Variants in MAGI1 observed in about 807,000 individuals in gnomAD.
The protein encoded by MAGI1 is membrane-associated guanylate kinase, WW and PDZ domain-containing protein 1.
A neutral mutation model predicts 139.9 loss-of-function variants in MAGI1; 58 were observed. The observed-to-expected ratio is 0.41, with a 90% confidence interval of 0.34 to 0.52. The LOEUF (loss-of-function observed/expected upper bound fraction) is 0.52, where lower values mean the gene tolerates loss of function less well. Ranked by LOEUF, MAGI1 falls within the 20% of genes least tolerant of loss-of-function variation. MAGI1 has a pLI of 0.12. For missense variants in MAGI1, 1,874 were observed against 1,901.6 expected (o/e 0.99, Z 0.27); for synonymous variants, 812 against 737.9 (o/e 1.10, Z -1.63).
intron 1 of MAGI1, among the ~76,000 whole-genome samples, chr3:65,779,233 T>C (rs2038731350): frequency 6.6e-6 from 1 of 152,210 alleles, no homozygotes; most frequent in Admixed American, 6.5e-5. Flanking sequence ...CAGTATGACC[T>C]CTTCCATCAC....
intron 2 of MAGI1, among the ~76,000 whole-genome samples, chr3:65,563,718 T>C (rs950494269): frequency 6.6e-5 from 10 of 152,162 alleles, no homozygotes; most frequent in African/African-American, 2.2e-4. Flanking sequence ...GTAAGGTTAC[T>C]CTGCTCTCTA....
At chr3:65,748,398 C>G (rs922291174) in intron 1 of MAGI1, among the ~76,000 whole-genome samples, 13 of 152,062 alleles carry the variant, frequency 8.5e-5, no homozygotes, top group African/African-American at 2.4e-4. Context: ...TAATGCAAAG[C>G]CCAGGGTAGG....
intron 1 of MAGI1, among the ~76,000 whole-genome samples, chr3:65,625,291 G>A (rs993498053): frequency 3.3e-5 from 5 of 152,104 alleles, no homozygotes; most frequent in African/African-American, 4.8e-5. Flanking sequence ...CAATAAAATC[G>A]ATTTCAAAAG....
intron 2 of MAGI1, among the ~76,000 whole-genome samples, chr3:65,508,642 T>C (rs1488740817): frequency 1.3e-5 from 2 of 152,164 alleles, no homozygotes; most frequent in Non-Finnish European, 2.9e-5. Context: ...ATTATGCCTT[T>C]GTCATCTATT....
At chr3:65,369,016 T>C (rs776078831) in intron 18 of MAGI1, among the ~76,000 whole-genome samples, 5 of 152,212 alleles carry the variant, frequency 3.3e-5, no homozygotes, top group Non-Finnish European at 7.3e-5. Flanking sequence ...ACTTCTTAGA[T>C]TTCAAGTTCA....
intron 2 of MAGI1, among the ~76,000 whole-genome samples, chr3:65,557,264 T>C (rs1308274939): frequency 6.6e-6 from 1 of 152,220 alleles, no homozygotes; most frequent in Non-Finnish European, 1.5e-5. Context: ...CTGTGCATTC[T>C]CTCTGTCTTC....
At chr3:65,822,080 G>A (rs1422719568) in intron 1 of MAGI1, among the ~76,000 whole-genome samples, 1 of 152,086 alleles carries the variant, frequency 6.6e-6, no homozygotes, top group Non-Finnish European at 1.5e-5. Flanking sequence ...AACACCACAG[G>A]GATGGGATCA....
chr3:65,774,155 T>C (rs533646420), intron 1 of MAGI1, among the ~76,000 whole-genome samples: 3 of 152,102 alleles, frequency 2.0e-5, no homozygotes, highest in Admixed American at 1.3e-4. Flanking sequence ...GTTCTAACAT[T>C]GGGTGAAACT....
At position 65,990,231 on chromosome 3, in the gene MAGI1, G is replaced by A. The variant is rs2066099304; in HGVS notation, c.313+47765C>T. ...GCAAGGTGCGGGATCATGAACTCAA[G>A]TTCAGTATCTTGCTCCAAGTACTAT... On this transcript the variant is annotated intron_variant, in intron 1 of 22. Transcript: ENST00000402939. Among the ~76,000 whole-genome samples, 3 of 152,138 alleles carry A rather than the reference G, an allele frequency of 2.0e-5. No homozygotes were observed. The South Asian group carries it at 6.2e-4, about 32-fold the overall frequency.
At position 65,578,367 on chromosome 3, in the gene MAGI1, A is replaced by G. The variant is rs183903472; in HGVS notation, c.430+43605T>C. Among the ~76,000 whole-genome samples the G allele has an allele frequency of 3.0e-3, 452 of 152,342 alleles. 4 individuals carry two copies. Among genetic ancestry groups the G allele is most frequent in the African/African-American group, 8.9e-3 (369 of 41,580 alleles). On this transcript the variant is annotated intron_variant, in intron 2 of 22. Coordinates refer to ENST00000402939, the MANE Select transcript of MAGI1 (RefSeq NM_001033057.2). ...CATTTGCACACAAGAAGAAAGGGAA[A>G]AAAAAGAGGAGGGTGAAAAATCAAC... is the stretch of plus-strand genomic sequence containing the variant.
At chr3:65,901,918 C>A (rs1425085820) in intron 1 of MAGI1, among the ~76,000 whole-genome samples, 2 of 149,530 alleles carry the variant, frequency 1.3e-5, no homozygotes, top group Middle Eastern at 3.2e-3. Context: ...TTTTAAAATT[C>A]ATTATTTTTT....
intron 1 of MAGI1, among the ~76,000 whole-genome samples, chr3:66,006,655 T>C (rs903945475): frequency 2.0e-5 from 3 of 152,226 alleles, no homozygotes; most frequent in Non-Finnish European, 4.4e-5. Flanking sequence ...TTTCTAATGA[T>C]GTCACATATA....
intron 1 of MAGI1, among the ~76,000 whole-genome samples, chr3:65,939,179 T>C (rs528264850): frequency 1.3e-5 from 2 of 152,362 alleles, no homozygotes; most frequent in South Asian, 2.1e-4. Context: ...TTTGAAGTTA[T>C]TGTGGCCCTA....
At chr3:65,662,103 A>G (rs1051735973) in intron 1 of MAGI1, among the ~76,000 whole-genome samples, 2 of 152,148 alleles carry the variant, frequency 1.3e-5, no homozygotes, top group African/African-American at 4.8e-5. Flanking sequence ...AATTACCAAG[A>G]ACTTTCACAA....
chr3:65,945,702 A>G (rs993111117), intron 1 of MAGI1, among the ~76,000 whole-genome samples: 3 of 152,206 alleles, frequency 2.0e-5, no homozygotes, highest in Non-Finnish European at 4.4e-5. Context: ...CGATTTCTGT[A>G]TGTCATTTCT....
intron 1 of MAGI1, among the ~76,000 whole-genome samples, chr3:65,925,685 CTAACT>C (rs1195744827): frequency 1.6e-5 from 1 of 62,400 alleles, no homozygotes; most frequent in East Asian, 4.5e-3. Context: ...CCTTAATGGA[CTAACT>C]TTTTTTTTAG....
intron 1 of MAGI1, among the ~76,000 whole-genome samples, chr3:65,948,571 T>C (rs536159492): frequency 6.6e-6 from 1 of 152,284 alleles, no homozygotes; most frequent in African/African-American, 2.4e-5. Flanking sequence ...CCTGAAAATT[T>C]TGGAAAGTTC....
intron 1 of MAGI1, among the ~76,000 whole-genome samples, chr3:65,884,584 A>AT (rs1455933639): frequency 2.6e-5 from 4 of 152,118 alleles, no homozygotes; most frequent in Admixed American, 6.5e-5. Context: ...ATGAACAAAG[A>AT]TTTTCTTTTC....
At chr3:65,839,491 C>T (rs931743261) in intron 1 of MAGI1, among the ~76,000 whole-genome samples, 1 of 151,798 alleles carries the variant, frequency 6.6e-6, no homozygotes, top group African/African-American at 2.4e-5. Context: ...AGGAAATGAC[C>T]GCTCCATGAG....
Sources: gnomAD v4.1 joint callset for allele counts (sites outside exome capture counted in the v4.1 genomes callset) on GRCh38, gnomAD v4.1.1 for gene constraint, MANE v1.5 for transcripts, NCBI Gene and HGNC (gene_info 2026-07-23, HGNC 2026-07-21) for gene names.